The following LOC400499 variants were observed in gnomAD, a reference collection of about 807,000 sequenced individuals.
the LOC400499 span, among the ~76,000 whole-genome samples, chr16:11,438,607 C>CAAAAAAAAAA: frequency 3.3e-5 from 2 of 59,850 alleles, no homozygotes; most frequent in East Asian, 4.4e-4. Flanking sequence ...CCTGTCTCTG[C>CAAAAAAAAAA]AAAAAAAAAA....
At chr16:11,418,621 T>C in the LOC400499 span, among the ~76,000 whole-genome samples, 49,705 of 152,104 alleles carry the variant, frequency 0.33, 8,183 homozygotes, top group Non-Finnish European at 0.35. Context: ...CAGCCCTGAA[T>C]TCTTTCTTGC....
At chr16:11,468,623 G>A in the LOC400499 span, among the ~76,000 whole-genome samples, 1 of 151,636 alleles carries the variant, frequency 6.6e-6, no homozygotes, top group East Asian at 1.9e-4. Context: ...GTCATACCTG[G>A]CTTTTTCTTT....
the LOC400499 span, among the ~76,000 whole-genome samples, chr16:11,397,700 A>G: frequency 4.1e-5 from 6 of 145,928 alleles, no homozygotes; most frequent in Non-Finnish European, 9.0e-5. Flanking sequence ...CCTAAAATAT[A>G]TGCTATCTGT....
chr16:11,453,732 C>A, the LOC400499 span, among the ~76,000 whole-genome samples: 1 of 151,896 alleles, frequency 6.6e-6, no homozygotes, highest in East Asian at 1.9e-4. Context: ...CTTTGGCAAG[C>A]AGAGGCAGGA....
chr16:11,509,331 G>T, the LOC400499 span, among the ~76,000 whole-genome samples: 1 of 150,740 alleles, frequency 6.6e-6, no homozygotes, highest in African/African-American at 2.4e-5. Flanking sequence ...TGTTAGCCAG[G>T]ATGGTCTCAA....
At chr16:11,501,862 T>C in the LOC400499 span, among the ~76,000 whole-genome samples, 2 of 152,148 alleles carry the variant, frequency 1.3e-5, no homozygotes, top group African/African-American at 4.8e-5. Flanking sequence ...TCAGGCAGGA[T>C]AGAGCTTGGA....
the LOC400499 span, among the ~76,000 whole-genome samples, chr16:11,390,810 T>G: frequency 6.6e-6 from 1 of 152,078 alleles, no homozygotes; most frequent in African/African-American, 2.4e-5. Flanking sequence ...GACAGTGTGG[T>G]CCGTGCCAAG....
chr16:11,412,828 G>C, the LOC400499 span: 1 of 399,182 alleles, frequency 2.5e-6, no homozygotes, highest in South Asian at 1.3e-4. Context: ...CTCCTCCTGG[G>C]GGCCCCCCTC....
the LOC400499 span, chr16:11,399,391 G>A: frequency 1.1e-3 from 656 of 584,608 alleles, 1 homozygote; most frequent in African/African-American, 0.012. Context: ...CCAGGACCAC[G>A]TGGCCCCAGA....
the LOC400499 span, among the ~76,000 whole-genome samples, chr16:11,379,398 G>T: frequency 6.6e-6 from 1 of 152,168 alleles, no homozygotes; most frequent in Non-Finnish European, 1.5e-5. Context: ...TTGGTGAATT[G>T]ACTGTTATCA....
At chr16:11,392,709 G>C in the LOC400499 span, 1 of 912,774 alleles carries the variant, frequency 1.1e-6, no homozygotes, top group South Asian at 5.0e-5. Context: ...AGTCAGTTAG[G>C]GATGCCATAA....
chr16:11,523,950 C>G, the LOC400499 span, among the ~76,000 whole-genome samples: 1 of 129,404 alleles, frequency 7.7e-6, no homozygotes. Context: ...TTCCCCTATC[C>G]ATCCACCCAC....
the LOC400499 span, chr16:11,461,063 G>T: frequency 7.2e-6 from 11 of 1,536,116 alleles, 1 homozygote; most frequent in Middle Eastern, 1.5e-3. Context: ...GGCACAAACA[G>T]CTCGGCACCC....
the LOC400499 span, among the ~76,000 whole-genome samples, chr16:11,484,047 G>A: frequency 8.4e-5 from 9 of 106,682 alleles, no homozygotes; most frequent in African/African-American, 1.1e-4. Context: ...TCGCTCTGTC[G>A]CCCAGGCTGG....
chr16:11,436,713 G>A, the LOC400499 span, among the ~76,000 whole-genome samples: 38 of 151,716 alleles, frequency 2.5e-4, no homozygotes, highest in African/African-American at 3.9e-4. Flanking sequence ...TCAGCCTCCC[G>A]AGTAGCTGGA....
chr16:11,458,308 T>G, the LOC400499 span, among the ~76,000 whole-genome samples: 5 of 152,082 alleles, frequency 3.3e-5, no homozygotes, highest in East Asian at 9.7e-4. Flanking sequence ...GTCGTGCCAC[T>G]GCACTCCAGC....
the LOC400499 span, among the ~76,000 whole-genome samples, chr16:11,440,212 A>G: frequency 4.6e-5 from 7 of 152,212 alleles, no homozygotes; most frequent in African/African-American, 1.2e-4. Flanking sequence ...ATGAACAGCC[A>G]TGAATGAGTA....
the LOC400499 span, chr16:11,417,645 C>T: frequency 1.5e-5 from 6 of 399,160 alleles, no homozygotes; most frequent in South Asian, 1.3e-4. Context: ...GTATCTGCAG[C>T]TCAGCACTAA....
At chr16:11,483,245 G>T in the LOC400499 span, among the ~76,000 whole-genome samples, 6 of 152,346 alleles carry the variant, frequency 3.9e-5, no homozygotes, top group East Asian at 9.6e-4. Flanking sequence ...TGGGAGAATG[G>T]TTTAGCAGCT....
Sources: gnomAD v4.1 joint callset for allele counts (sites outside exome capture counted in the v4.1 genomes callset) on GRCh38, gnomAD v4.1.1 for gene constraint, MANE v1.5 for transcripts.